Variants in B3GNT3 observed in about 807,000 individuals in gnomAD.
The protein encoded by B3GNT3 is UDP-GlcNAc:betaGal beta-1,3-N-acetylglucosaminyltransferase 3, also known as N-acetyllactosaminide beta-1,3-N-acetylglucosaminyltransferase 3.
In B3GNT3, 7 loss-of-function variants were observed where a neutral mutation model predicts 11.6. The ratio of observed to expected loss-of-function variants is 0.60; its 90% CI spans 0.34 to 1.13. The LOEUF is 1.13. Among genes scored for constraint, B3GNT3 ranks in the 50% most tolerant of loss-of-function variants. The pLI, the probability that B3GNT3 is intolerant of heterozygous loss-of-function variation, is 0.03. For synonymous variants in B3GNT3, 201 were observed against 222.1 expected (o/e 0.90, Z 0.85); for missense variants, 400 against 507.4 (o/e 0.79, Z 2.03).
chr19:17,810,522 T>C (rs2094179297), intron 2 of B3GNT3, among the ~76,000 whole-genome samples: 1 of 151,954 alleles, frequency 6.6e-6, no homozygotes, highest in Non-Finnish European at 1.5e-5. Context: ...GGAGATGGCA[T>C]GAACAGAAAA....
intron 1 of B3GNT3, among the ~76,000 whole-genome samples, chr19:17,807,439 C>T (rs571360236): frequency 1.1e-3 from 166 of 148,932 alleles, no homozygotes; most frequent in African/African-American, 4.0e-3. Flanking sequence ...CTGCAGTAAG[C>T]GGAAATTACA....
chr19:17,806,997 G>A (rs1199327920), intron 1 of B3GNT3, among the ~76,000 whole-genome samples: 1 of 150,220 alleles, frequency 6.7e-6, no homozygotes, highest in Non-Finnish European at 1.5e-5. Flanking sequence ...CATGCTGTAA[G>A]TGGGAATAGC....
At chr19:17,810,778 G>A (rs537359305) in intron 2 of B3GNT3, among the ~76,000 whole-genome samples, 1 of 152,168 alleles carries the variant, frequency 6.6e-6, no homozygotes, top group African/African-American at 2.4e-5. Flanking sequence ...CTACTTGGGA[G>A]GCTGAGGCAG....
chr19:17,808,204 G>T lies in B3GNT3; in HGVS notation c.397G>T (p.Glu133Ter). Residue 133 changes from glutamate (E) to a stop codon, truncating the protein, a stop_gained, in exon 2 of 3, where the codon GAG becomes TAG. Coordinates refer to ENST00000318683, the MANE Select transcript of B3GNT3 (RefSeq NM_014256.4). LOFTEE classifies it high-confidence loss of function. ...GCTGCTGCGGCGCACGTGGGGCCGC[G>T]AGCGCAAGGTACGGGGTTTGCAGCT... ...RELLRRTWGR[E>*]RKVRGLQLRL... 6.2e-7 allele frequency: 1 copy of T among 1,611,642 alleles called. No homozygotes were observed. Among genetic ancestry groups the T allele is most frequent in the Non-Finnish European group, 8.5e-7 (1 of 1,178,348 alleles).
intron 1 of B3GNT3, among the ~76,000 whole-genome samples, chr19:17,806,892 A>C (rs2094173648): frequency 6.7e-6 from 1 of 150,162 alleles, no homozygotes; most frequent in Admixed American, 6.7e-5. Context: ...GCGGAGGTTG[A>C]AGTGAGCCGA....
At chr19:17,810,891 T>A (rs40170) in intron 2 of B3GNT3, among the ~76,000 whole-genome samples, 122,257 of 150,528 alleles carry the variant, frequency 0.81, 50,213 homozygotes, top group African/African-American at 0.91. Flanking sequence ...TCCAAAAAAA[T>A]AATAATAATA....
intron 1 of B3GNT3, among the ~76,000 whole-genome samples, chr19:17,802,950 A>G (rs1013043221): frequency 3.3e-5 from 5 of 151,610 alleles, no homozygotes; most frequent in African/African-American, 9.7e-5. Flanking sequence ...TCAGCCTCCT[A>G]AAGTGCAAGG....
chr19:17,801,238 G>T (rs2094165821), intron 1 of B3GNT3, among the ~76,000 whole-genome samples: 1 of 151,992 alleles, frequency 6.6e-6, no homozygotes, highest in African/African-American at 2.4e-5. Context: ...TGTTCCCCAG[G>T]CTGGAGTACT....
At chr19:17,798,807 C>T (rs1440729268) in intron 1 of B3GNT3, among the ~76,000 whole-genome samples, 3 of 151,922 alleles carry the variant, frequency 2.0e-5, no homozygotes, top group African/African-American at 7.3e-5. Context: ...AGACCCATCT[C>T]TACAAAAATG....
intron 1 of B3GNT3, among the ~76,000 whole-genome samples, chr19:17,802,160 T>C (rs997267916): frequency 6.6e-6 from 1 of 151,510 alleles, no homozygotes; most frequent in Non-Finnish European, 1.5e-5. Context: ...GCACCTAAGC[T>C]CAAGTGATCC....
At chr19:17,798,458 G>A (rs754653751) in intron 1 of B3GNT3, among the ~76,000 whole-genome samples, 17 of 152,026 alleles carry the variant, frequency 1.1e-4, no homozygotes, top group Non-Finnish European at 2.2e-4. Context: ...ATCACCTGAG[G>A]TCAGGAGTTT....
At chr19:17,798,301 G>A (rs1175492991) in intron 1 of B3GNT3, among the ~76,000 whole-genome samples, 1 of 152,192 alleles carries the variant, frequency 6.6e-6, no homozygotes, top group Non-Finnish European at 1.5e-5. Flanking sequence ...CCCAGATGTG[G>A]CATACGCTAG....
In B3GNT3 at chr19:17,812,106, A is replaced by C; in HGVS notation, c.1103A>C (p.Gln368Pro). 1 of 1,595,988 alleles carries C rather than the reference A, an allele frequency of 6.3e-7. No individual in the cohort carries two copies. The highest frequency in any genetic ancestry group is 1.7e-4 in the Middle Eastern group (1 of 6,028). The change falls in exon 3 of 3, where the codon CAG (glutamine) becomes CCG (proline). Residue 368 changes from glutamine to proline, a missense_variant. Physicochemically the swap from Gln to Pro is moderately conservative, Grantham distance 76. Coordinates refer to ENST00000318683, the MANE Select transcript of B3GNT3 (RefSeq NM_014256.4). ...CAGCCCAACCTCACCTGCGGCAATC[A>C]GACACAGATCTACTGAGTCAGCATC... ...LNQPNLTCGN[Q>P]TQIY
At chr19:17,804,533 C>CTTTTTTT (rs67513010) in intron 1 of B3GNT3, among the ~76,000 whole-genome samples, 12,318 of 56,990 alleles carry the variant, frequency 0.22, 3,491 homozygotes, top group Non-Finnish European at 0.23. Flanking sequence ...CCGTGCCCAG[C>CTTTTTTT]TTTTTTTTTT....
At position 17,812,978 on chromosome 19, in the gene B3GNT3, A is replaced by AC. The variant is rs1396050002; in HGVS notation, c.*861dup. ...TACGGGGGGACCGGGTGAGCCAGTG[A>AC]CCCCCTGTAGCCCCCAGCTTCAGGC... is the stretch of plus-strand genomic sequence containing the variant. On this transcript the variant is annotated 3_prime_UTR_variant, in exon 3 of 3. Coordinates refer to ENST00000318683, the MANE Select transcript of B3GNT3 (RefSeq NM_014256.4). The AC allele has an allele frequency of 6.6e-6, 1 of 151,642 alleles. No individual in the cohort carries two copies. Among genetic ancestry groups the AC allele is most frequent in the African/African-American group, 2.4e-5 (1 of 41,248 alleles). The allele number at this position is 151,642 out of a possible 1,614,324, so 9.4% of individuals were successfully genotyped here.
chr19:17,802,899 A>C, intron 1 of B3GNT3, among the ~76,000 whole-genome samples: 1 of 151,772 alleles, frequency 6.6e-6, no homozygotes, highest in Non-Finnish European at 1.5e-5. Context: ...TTTTTTGCCC[A>C]GGCTGGTCTT....
At chr19:17,802,227 A>T (rs2094167164) in intron 1 of B3GNT3, among the ~76,000 whole-genome samples, 1 of 151,938 alleles carries the variant, frequency 6.6e-6, no homozygotes, top group African/African-American at 2.4e-5. Context: ...TGACTGAATC[A>T]CGGGTGCCCA....
intron 1 of B3GNT3, among the ~76,000 whole-genome samples, chr19:17,801,965 G>A (rs560561286): frequency 6.6e-6 from 1 of 152,080 alleles, no homozygotes; most frequent in Non-Finnish European, 1.5e-5. Flanking sequence ...GCACATGCCT[G>A]TAGTCCCAGC....
In B3GNT3 at chr19:17,807,980, C is replaced by T. The variant is rs372786319; in HGVS notation, c.173C>T (p.Pro58Leu). 1.1e-5 allele frequency: 17 copies of T among 1,596,942 alleles called. No individual in the cohort carries two copies. The highest frequency in any genetic ancestry group is 5.0e-5 in the Admixed American group (3 of 59,542). The change falls in exon 2 of 3, where the codon CCG (proline) becomes CTG (leucine). Residue 58 changes from proline (P) to leucine (L), a missense_variant. Transcript: ENST00000318683. ...CCCACTCCACCCACCCGCCCAGCCC[C>T]GGCCCCGTGCCATGCCAACACCTCT... is the stretch of plus-strand genomic sequence containing the variant. ...AWPTPPTRPA[P>L]APCHANTSMV...
Sources: allele counts gnomAD v4.1 joint callset (sites outside exome capture counted in the v4.1 genomes callset), GRCh38; gene constraint gnomAD v4.1.1; transcripts MANE v1.5; gene names NCBI Gene and HGNC (gene_info 2026-07-23, HGNC 2026-07-21).